PTPRG: variants seen among roughly 807,000 people sequenced by gnomAD.
PTPRG encodes the protein protein tyrosine phosphatase receptor type G, also known as receptor-type tyrosine-protein phosphatase gamma.
Under a neutral mutation model 165.3 loss-of-function variants are expected in PTPRG, and 102 were observed. The ratio of observed to expected loss-of-function variants is 0.62; its 90% confidence interval spans 0.53 to 0.73. PTPRG has a LOEUF of 0.73. PTPRG is among the 30% of genes least tolerant of loss of function. PTPRG has a pLI of 0.00. For synonymous variants in PTPRG, 675 were observed against 669.5 expected, an observed-to-expected ratio of 1.01 and a Z score of -0.13; for missense variants, 1,866 against 1,861.4, an observed-to-expected ratio of 1.00 and a Z score of -0.05.
chr3:62,164,293 T>G (rs756607574), intron 7 of PTPRG, among the ~76,000 whole-genome samples: 1 of 152,166 alleles, frequency 6.6e-6, no homozygotes, highest in Non-Finnish European at 1.5e-5. Flanking sequence ...TGCTGTGTAA[T>G]GATGTATCAG....
chr3:61,626,507 C>T (rs778039132), intron 1 of PTPRG, among the ~76,000 whole-genome samples: 9 of 152,124 alleles, frequency 5.9e-5, no homozygotes, highest in South Asian at 2.1e-4. Context: ...TTAGTATTAC[C>T]GTTCAAAACC....
intron 7 of PTPRG, among the ~76,000 whole-genome samples, chr3:62,166,625 C>T (rs1275365447): frequency 2.0e-5 from 3 of 151,938 alleles, no homozygotes; most frequent in African/African-American, 4.8e-5. Flanking sequence ...CATGAGCCAC[C>T]GGGCCTGGCC....
At chr3:62,003,578 A>G in intron 4 of PTPRG, 81 bp downstream of exon 4, 1 of 1,552,188 alleles carries the variant, frequency 6.4e-7, no homozygotes. Flanking sequence ...ACCCTCAGTC[A>G]TTTTGCAAAT....
At chr3:62,177,977 A>C (rs975742578) in intron 8 of PTPRG, among the ~76,000 whole-genome samples, 1 of 134,226 alleles carries the variant, frequency 7.5e-6, no homozygotes, top group Non-Finnish European at 1.5e-5. Context: ...CTCTGTTTTT[A>C]TTGGAGAGAG....
intron 4 of PTPRG, among the ~76,000 whole-genome samples, chr3:62,053,690 C>G (rs1700538689): frequency 6.6e-6 from 1 of 152,148 alleles, no homozygotes; most frequent in African/African-American, 2.4e-5. Context: ...GGATAAAGAG[C>G]ATGCAGTAAG....
chr3:61,867,579 G>A (rs968898385), intron 2 of PTPRG, among the ~76,000 whole-genome samples: 10 of 152,076 alleles, frequency 6.6e-5, no homozygotes, highest in African/African-American at 2.2e-4. Context: ...AAGGTAAAAT[G>A]AAGTACCCAA....
chr3:61,606,370 A>G (rs1701007241), intron 1 of PTPRG, among the ~76,000 whole-genome samples: 1 of 152,160 alleles, frequency 6.6e-6, no homozygotes, highest in African/African-American at 2.4e-5. Flanking sequence ...TGTCTCTGCT[A>G]TTTGTAGTCT....
chr3:62,169,372 G>A (rs1705128690), intron 8 of PTPRG, among the ~76,000 whole-genome samples: 1 of 152,046 alleles, frequency 6.6e-6, no homozygotes, highest in Non-Finnish European at 1.5e-5. Context: ...ACCCCTACTG[G>A]AAATCACTTG....
chr3:62,162,997 T>C (rs994910906), intron 7 of PTPRG, among the ~76,000 whole-genome samples: 13 of 152,136 alleles, frequency 8.5e-5, no homozygotes, highest in African/African-American at 3.1e-4. Context: ...TCAGGAAACT[T>C]ACAATCATGG....
chr3:61,563,296 G>A (rs1429364814), intron 1 of PTPRG, among the ~76,000 whole-genome samples: 2 of 152,162 alleles, frequency 1.3e-5, no homozygotes, highest in African/African-American at 4.8e-5. Context: ...TTTCTGGCCA[G>A]GTTAAGACAG....
At chr3:62,263,282 C>G in intron 17 of PTPRG, 1 of 181,282 alleles carries the variant, frequency 5.5e-6, no homozygotes, top group Non-Finnish European at 1.1e-5. Context: ...ATCAAGCAAG[C>G]TGAATTTCAA....
intron 2 of PTPRG, among the ~76,000 whole-genome samples, chr3:61,792,789 C>T (rs1182451647): frequency 4.0e-5 from 6 of 151,136 alleles, no homozygotes; most frequent in African/African-American, 1.2e-4. Context: ...AGTGCAGTGG[C>T]GTGATCTCGG....
chr3:61,839,778 G>C (rs1377001721), intron 2 of PTPRG, among the ~76,000 whole-genome samples: 15 of 152,138 alleles, frequency 9.9e-5, no homozygotes, highest in Admixed American at 9.8e-4. Flanking sequence ...GACATTTTCT[G>C]AATTTTCTTT....
At chr3:61,901,632 A>T (rs72882267) in intron 2 of PTPRG, among the ~76,000 whole-genome samples, 176 of 152,274 alleles carry the variant, frequency 1.2e-3, no homozygotes, top group African/African-American at 4.0e-3. Flanking sequence ...TGTACTGTCT[A>T]TTGACTGGGC....
intron 5 of PTPRG, among the ~76,000 whole-genome samples, chr3:62,118,786 G>A (rs1043862122): frequency 6.6e-6 from 1 of 152,134 alleles, no homozygotes; most frequent in African/African-American, 2.4e-5. Context: ...GGAGGTGTGT[G>A]TCATTGTCCA....
At chr3:61,768,535 C>T (rs1378006604) in intron 2 of PTPRG, among the ~76,000 whole-genome samples, 1 of 152,168 alleles carries the variant, frequency 6.6e-6, no homozygotes, top group Non-Finnish European at 1.5e-5. Flanking sequence ...TTCTCAAAAT[C>T]TGTGTCTGGA....
At chr3:62,016,591 C>T (rs776331761) in intron 4 of PTPRG, among the ~76,000 whole-genome samples, 6 of 152,222 alleles carry the variant, frequency 3.9e-5, no homozygotes, top group Non-Finnish European at 7.3e-5. Flanking sequence ...TTTCTGACTT[C>T]AGTCATTGCT....
intron 2 of PTPRG, among the ~76,000 whole-genome samples, chr3:61,985,585 A>C (rs963997562): frequency 6.6e-6 from 1 of 152,126 alleles, no homozygotes. Context: ...AGGCAGCTTA[A>C]ATTGTCCAAG....
chr3:61,598,384 C>T (rs547646502), intron 1 of PTPRG, among the ~76,000 whole-genome samples: 1 of 152,308 alleles, frequency 6.6e-6, no homozygotes, highest in South Asian at 2.1e-4. Context: ...CAGCTAGTGT[C>T]TGTCCTTTTA....
Sources: allele counts gnomAD v4.1 joint callset (sites outside exome capture counted in the v4.1 genomes callset), GRCh38; gene constraint gnomAD v4.1.1; transcripts MANE v1.5; gene names NCBI Gene and HGNC (gene_info 2026-07-23, HGNC 2026-07-21).